Variants in AK5 observed in about 807,000 individuals in gnomAD.
AK5 encodes the protein adenylate kinase 5, also known as adenylate kinase isoenzyme 5.
A neutral mutation model predicts 69.5 loss-of-function variants in AK5; 27 were observed. The ratio of observed to expected loss-of-function variants is 0.39; its 90% CI spans 0.29 to 0.54. AK5 has a LOEUF of 0.54. AK5 is among the 20% of genes least tolerant of loss of function. The pLI, the probability that AK5 is intolerant of heterozygous loss-of-function variation, is 0.71. For missense variants in AK5, 531 were observed against 700.4 expected (o/e 0.76, Z 2.73); for synonymous variants, 260 against 244.4 (o/e 1.06, Z -0.60).
At chr1:77,497,782 A>G (rs570241048) in intron 10 of AK5, among the ~76,000 whole-genome samples, 4 of 152,160 alleles carry the variant, frequency 2.6e-5, no homozygotes, top group South Asian at 2.1e-4. Flanking sequence ...TATTTTCACC[A>G]TGTTGCCCAG....
chr1:77,321,706 G>A (rs1290152676), intron 5 of AK5, among the ~76,000 whole-genome samples: 1 of 152,018 alleles, frequency 6.6e-6, no homozygotes, highest in East Asian at 1.9e-4. Context: ...TGAGGGTGTC[G>A]GCTTTTACCA....
chr1:77,341,866 G>A (rs1661672099), intron 6 of AK5, among the ~76,000 whole-genome samples: 1 of 152,066 alleles, frequency 6.6e-6, no homozygotes, highest in Non-Finnish European at 1.5e-5. Context: ...CTGTGGCTAT[G>A]TTTTGTTGGG....
intron 10 of AK5, among the ~76,000 whole-genome samples, chr1:77,497,333 C>T (rs961491087): frequency 6.6e-6 from 1 of 152,186 alleles, no homozygotes; most frequent in Non-Finnish European, 1.5e-5. Context: ...AGGTCTGCGT[C>T]TTCACTCCTG....
At chr1:77,394,748 A>C (rs879674245) in intron 6 of AK5, among the ~76,000 whole-genome samples, 2 of 152,230 alleles carry the variant, frequency 1.3e-5, no homozygotes, top group Non-Finnish European at 2.9e-5. Flanking sequence ...TTAAAAGGTC[A>C]AAACATAATC....
At chr1:77,375,379 T>C (rs570722484) in intron 6 of AK5, among the ~76,000 whole-genome samples, 4 of 152,208 alleles carry the variant, frequency 2.6e-5, no homozygotes. Context: ...CTGCAGTAAA[T>C]GCAGGAAAAG....
intron 6 of AK5, among the ~76,000 whole-genome samples, chr1:77,360,494 AG>A (rs940247039): frequency 1.3e-5 from 2 of 152,068 alleles, no homozygotes; most frequent in African/African-American, 4.8e-5. Flanking sequence ...CAGAGAAGTT[AG>A]GGGGGGTGGA....
At chr1:77,497,829 G>C (rs1453648156) in intron 10 of AK5, among the ~76,000 whole-genome samples, 1 of 152,116 alleles carries the variant, frequency 6.6e-6, no homozygotes, top group Admixed American at 6.5e-5. Context: ...CCATCCACCT[G>C]CCTTGGCCTC....
At chr1:77,468,834 C>T (rs1300798500) in intron 8 of AK5, among the ~76,000 whole-genome samples, 1 of 152,170 alleles carries the variant, frequency 6.6e-6, no homozygotes, top group Admixed American at 6.5e-5. Context: ...GAGCTTAGTA[C>T]TGTGATTTTA....
intron 5 of AK5, among the ~76,000 whole-genome samples, chr1:77,311,425 C>T (rs1659955679): frequency 6.6e-6 from 1 of 152,076 alleles, no homozygotes. Flanking sequence ...TCAATGTGTA[C>T]TACTGGCTAA....
chr1:77,309,883 T>C (rs1346029048), intron 5 of AK5, among the ~76,000 whole-genome samples: 1 of 152,154 alleles, frequency 6.6e-6, no homozygotes, highest in Non-Finnish European at 1.5e-5. Flanking sequence ...TTATAATATT[T>C]TCTTTCATTT....
At chr1:77,475,378 T>TTA (rs557757697) in intron 8 of AK5, among the ~76,000 whole-genome samples, 8 of 98,492 alleles carry the variant, frequency 8.1e-5, no homozygotes, top group African/African-American at 3.8e-4. Context: ...CAAATATATA[T>TTA]TATATATATG....
At chr1:77,410,480 G>A (rs577619527) in intron 6 of AK5, among the ~76,000 whole-genome samples, 238 of 152,042 alleles carry the variant, frequency 1.6e-3, no homozygotes, top group Non-Finnish European at 2.5e-3. Flanking sequence ...GGGTTTTGCC[G>A]TGTTGGCCAG....
chr1:77,297,823 G>A lies in AK5; in HGVS notation c.586-11G>A. The A allele has an allele frequency of 1.2e-6, 2 of 1,605,728 alleles. No individual in the cohort carries two copies. Among genetic ancestry groups the A allele is most frequent in the Non-Finnish European group, 8.5e-7 (1 of 1,175,870 alleles). ...GTGGGGTTTTTTTGTCATCCTTTCT[G>A]TTTATAAAAGGAAACAACAATTACA... On this transcript the variant is annotated splice_polypyrimidine_tract_variant and intron_variant, in intron 4 of 13. Transcript: ENST00000354567.
intron 8 of AK5, among the ~76,000 whole-genome samples, chr1:77,429,290 C>A: frequency 6.6e-6 from 1 of 152,148 alleles, no homozygotes; most frequent in Non-Finnish European, 1.5e-5. Flanking sequence ...TAATGATCGC[C>A]ATTCTAACTG....
rs143313823 is a variant in AK5 at position 77,304,793 on chromosome 1, A to C, written c.699+6846A>C. On this transcript the variant is annotated intron_variant, in intron 5 of 13. Transcript: ENST00000354567. ...TAGCTATTGTAAACAGTCCTGCAACAAACATAGGAATGCAGATATCTCTTC... is the reference window on the plus strand; with the variant it reads ...TAGCTATTGTAAACAGTCCTGCAACCAACATAGGAATGCAGATATCTCTTC... Among the ~76,000 whole-genome samples the C allele has an allele frequency of 2.3e-3, 354 of 152,360 alleles. 3 individuals are homozygous for C. Among genetic ancestry groups the C allele is most frequent in the African/African-American group, 8.0e-3 (333 of 41,590 alleles).
At chr1:77,532,753 A>G (rs546795235) in intron 12 of AK5, among the ~76,000 whole-genome samples, 33 of 152,302 alleles carry the variant, frequency 2.2e-4, no homozygotes, top group African/African-American at 7.5e-4. Context: ...ACCAAAGGCC[A>G]TGGAGAATCC....
At chr1:77,540,355 A>C (rs1198512778) in intron 13 of AK5, 1 of 152,228 alleles carries the variant, frequency 6.6e-6, no homozygotes, top group African/African-American at 2.4e-5. Context: ...CTGAGAAAGA[A>C]TTAGAACAGA....
chr1:77,349,665 G>A (rs1300980114), intron 6 of AK5: 3 of 152,112 alleles, frequency 2.0e-5, no homozygotes. Context: ...ATTTTTGCTA[G>A]GTAATAGATG....
chr1:77,469,399 G>C (rs1179457077), intron 8 of AK5, among the ~76,000 whole-genome samples: 1 of 152,200 alleles, frequency 6.6e-6, no homozygotes, highest in Non-Finnish European at 1.5e-5. Context: ...GAAGCCTTAA[G>C]AACAAAATTG....
Sources: gnomAD v4.1 joint callset for allele counts (sites outside exome capture counted in the v4.1 genomes callset) on GRCh38, gnomAD v4.1.1 for gene constraint, MANE v1.5 for transcripts, NCBI Gene and HGNC (gene_info 2026-07-23, HGNC 2026-07-21) for gene names.